MAGI1: variants seen among roughly 807,000 people sequenced by gnomAD.
The protein encoded by MAGI1 is membrane-associated guanylate kinase, WW and PDZ domain-containing protein 1.
A neutral mutation model predicts 139.9 loss-of-function variants in MAGI1; 58 were observed. The ratio of observed to expected loss-of-function variants is 0.41; its 90% CI spans 0.34 to 0.52. MAGI1 has a LOEUF of 0.52. MAGI1 is among the 20% of genes least tolerant of loss of function. The pLI is 0.12. For missense variants in MAGI1, 1,874 were observed against 1,901.6 expected (o/e 0.99, Z 0.27); for synonymous variants, 812 against 737.9 (o/e 1.10, Z -1.63).
chr3:66,017,586 T>C (rs945788719), intron 1 of MAGI1, among the ~76,000 whole-genome samples: 1 of 152,178 alleles, frequency 6.6e-6, no homozygotes, highest in African/African-American at 2.4e-5. Context: ...CTCAGACAAG[T>C]AACAACTTCC....
At chr3:65,868,420 A>C (rs1447228827) in intron 1 of MAGI1, among the ~76,000 whole-genome samples, 2 of 152,212 alleles carry the variant, frequency 1.3e-5, no homozygotes, top group Non-Finnish European at 2.9e-5. Flanking sequence ...TGACGGGTAG[A>C]GCGCAGATTC....
At chr3:65,593,488 T>C (rs2082055565) in intron 2 of MAGI1, among the ~76,000 whole-genome samples, 1 of 152,218 alleles carries the variant, frequency 6.6e-6, no homozygotes, top group South Asian at 2.1e-4. Context: ...ATCTAAATGA[T>C]TTTTTACTTC....
chr3:65,848,596 T>C (rs549342295), intron 1 of MAGI1, among the ~76,000 whole-genome samples: 1 of 152,212 alleles, frequency 6.6e-6, no homozygotes, highest in African/African-American at 2.4e-5. Flanking sequence ...TTTTTTTTAT[T>C]TTCTTTCTAA....
intron 2 of MAGI1, among the ~76,000 whole-genome samples, chr3:65,546,964 T>C (rs891320744): frequency 6.6e-6 from 1 of 152,220 alleles, no homozygotes; most frequent in African/African-American, 2.4e-5. Context: ...TTTGTGTCTA[T>C]GCATACATGT....
chr3:65,480,288 A>T (rs555433089), intron 3 of MAGI1, among the ~76,000 whole-genome samples: 22 of 152,088 alleles, frequency 1.4e-4, no homozygotes, highest in East Asian at 1.2e-3. Context: ...ATACCAGCAC[A>T]TTGGGAGGCT....
At chr3:65,709,419 A>G (rs1442127014) in intron 1 of MAGI1, among the ~76,000 whole-genome samples, 1 of 152,204 alleles carries the variant, frequency 6.6e-6, no homozygotes, top group Non-Finnish European at 1.5e-5. Flanking sequence ...ATTAAAAGTG[A>G]GTTGACTCAC....
At chr3:65,673,448 G>A (rs1176552064) in intron 1 of MAGI1, among the ~76,000 whole-genome samples, 4 of 151,980 alleles carry the variant, frequency 2.6e-5, no homozygotes, top group South Asian at 2.1e-4. Context: ...CCAAATATTC[G>A]GGTTAAATAG....
intron 1 of MAGI1, among the ~76,000 whole-genome samples, chr3:65,914,668 T>G (rs1436645740): frequency 2.0e-5 from 3 of 152,214 alleles, no homozygotes; most frequent in Admixed American, 2.0e-4. Flanking sequence ...AGCCTAATGT[T>G]CGACAAATGC....
rs534503386 is a variant in MAGI1 at position 65,785,936 on chromosome 3, CTTTT to C, written c.314-163852_314-163849del. Among the ~76,000 whole-genome samples the C allele has an allele frequency of 6.9e-4, 99 of 144,024 alleles. No individual in the cohort carries two copies. The South Asian group carries it at 0.022, about 31-fold the overall frequency. 94.5% of individuals were successfully genotyped at this position (144,024 alleles called of 152,430 possible). ...CCCCTTATTCCTGCTGTCATCTTAA[CTTTT>C]TTTTTTTTTTTCTTGAAACGGAGTC... On this transcript the variant is annotated intron_variant, in intron 1 of 22. Coordinates refer to ENST00000402939, the MANE Select transcript of MAGI1 (RefSeq NM_001033057.2).
At chr3:65,868,397 A>G (rs1033367894) in intron 1 of MAGI1, among the ~76,000 whole-genome samples, 1 of 152,206 alleles carries the variant, frequency 6.6e-6, no homozygotes, top group Non-Finnish European at 1.5e-5. Flanking sequence ...ACGTGACACA[A>G]CACACCAAAT....
At position 65,493,446 on chromosome 3, in the gene MAGI1, G is replaced by T. The variant is rs1447171734; in HGVS notation, c.550+66C>A. ...AGATTCCACAAAACATTTTTGCCTG[G>T]ATGGCTCTGGCTCCTCTCAAGTACC... is the stretch of plus-strand genomic sequence containing the variant. On this transcript the variant is annotated intron_variant, in intron 3 of 22. Transcript: ENST00000402939. The T allele has an allele frequency of 2.5e-6, 4 of 1,593,104 alleles. No homozygotes were observed. In the African/African-American group the frequency reaches 5.4e-5, roughly 22 times the overall value.
intron 1 of MAGI1, among the ~76,000 whole-genome samples, chr3:65,780,180 G>A (rs1430208656): frequency 1.3e-5 from 2 of 152,010 alleles, no homozygotes; most frequent in African/African-American, 4.8e-5. Flanking sequence ...TGCACCACCA[G>A]CCCTGGCTAA....
At chr3:65,444,749 A>C (rs1392846869) in intron 7 of MAGI1, among the ~76,000 whole-genome samples, 1 of 152,116 alleles carries the variant, frequency 6.6e-6, no homozygotes, top group Non-Finnish European at 1.5e-5. Flanking sequence ...TCTAGTGCCT[A>C]GTCAACAACT....
In MAGI1 at chr3:65,838,012, C is replaced by A. The variant is rs1039665840; in HGVS notation, c.313+199984G>T. Among the ~76,000 whole-genome samples the A allele has an allele frequency of 1.4e-4, 22 of 152,296 alleles. 1 individual carries two copies. Among genetic ancestry groups the A allele is most frequent in the African/African-American group, 4.8e-4 (20 of 41,560 alleles). On this transcript the variant is annotated intron_variant, in intron 1 of 22. Transcript: ENST00000402939. ...CCCCCATAGGTTCCATCTTACATAA[C>A]CGTAGTACAACTTCAAAGCCGGAAA...
intron 2 of MAGI1, among the ~76,000 whole-genome samples, chr3:65,591,262 T>C (rs2081953467): frequency 6.6e-6 from 1 of 151,946 alleles, no homozygotes; most frequent in Admixed American, 6.6e-5. Flanking sequence ...GTGTCCCCCA[T>C]CTAGCAAATG....
intron 22 of MAGI1, chr3:65,360,717 A>G: frequency 1.0e-6 from 1 of 1,004,112 alleles, no homozygotes; most frequent in Non-Finnish European, 1.2e-6. Context: ...ACAGAGCATA[A>G]GGGAGGTTAG....
chr3:65,531,330 C>T (rs962610688), intron 2 of MAGI1, among the ~76,000 whole-genome samples: 2 of 152,044 alleles, frequency 1.3e-5, no homozygotes, highest in Non-Finnish European at 2.9e-5. Flanking sequence ...CACTTAGACC[C>T]GTAAGAGACA....
intron 2 of MAGI1, among the ~76,000 whole-genome samples, chr3:65,562,773 G>A (rs1370282747): frequency 1.3e-5 from 2 of 152,146 alleles, no homozygotes; most frequent in Non-Finnish European, 2.9e-5. Flanking sequence ...ACAAAAATGA[G>A]ACCAGTAAAC....
intron 1 of MAGI1, among the ~76,000 whole-genome samples, chr3:65,696,201 C>G (rs986210912): frequency 6.6e-6 from 1 of 152,102 alleles, no homozygotes; most frequent in African/African-American, 2.4e-5. Context: ...CTGCAGGTAC[C>G]TATTCAACTC....
Sources: gnomAD v4.1 joint callset for allele counts (sites outside exome capture counted in the v4.1 genomes callset) on GRCh38, gnomAD v4.1.1 for gene constraint, MANE v1.5 for transcripts, NCBI Gene and HGNC (gene_info 2026-07-23, HGNC 2026-07-21) for gene names.